ANO3: variants seen among roughly 807,000 people sequenced by gnomAD.
The protein encoded by ANO3 is anoctamin-3.
In ANO3, 99 loss-of-function variants were observed where a neutral mutation model predicts 144.8. That is an observed-to-expected ratio of 0.68 (90% CI 0.58 to 0.81). ANO3 has a LOEUF of 0.81. Among genes scored for constraint, ANO3 ranks in the 30% least tolerant of loss-of-function variants. ANO3 has a pLI of 0.00. For missense variants in ANO3, 905 were observed against 1,202.2 expected (o/e 0.75, Z 3.66); for synonymous variants, 414 against 392.6 (o/e 1.05, Z -0.64).
chr11:26,541,133 G>A (rs1045502740), intron 10 of ANO3, among the ~76,000 whole-genome samples: 7 of 151,976 alleles, frequency 4.6e-5, no homozygotes, highest in South Asian at 4.1e-4. Context: ...AGATGAGTTC[G>A]TGTTCTTTGC....
At chr11:26,399,711 A>G (rs936199850) in intron 1 of ANO3, among the ~76,000 whole-genome samples, 3 of 151,952 alleles carry the variant, frequency 2.0e-5, no homozygotes, top group African/African-American at 4.8e-5. Flanking sequence ...GGTTGAAGGT[A>G]TAAGTCCCTC....
intron 18 of ANO3, among the ~76,000 whole-genome samples, chr11:26,633,411 TAA>T (rs1852849232): frequency 6.6e-6 from 1 of 152,216 alleles, no homozygotes; most frequent in Non-Finnish European, 1.5e-5. Flanking sequence ...AAGGCTGAGA[TAA>T]GAGCTCAGCT....
intron 14 of ANO3, among the ~76,000 whole-genome samples, chr11:26,570,456 C>A (rs112342092): frequency 0.12 from 18,115 of 152,100 alleles, 1,447 homozygotes; most frequent in Non-Finnish European, 0.18. Flanking sequence ...TTATACCAAG[C>A]TTTGGAAATA....
At chr11:26,365,117 C>T (rs1260585823) in intron 1 of ANO3, among the ~76,000 whole-genome samples, 3 of 152,200 alleles carry the variant, frequency 2.0e-5, no homozygotes, top group Non-Finnish European at 4.4e-5. Flanking sequence ...GCAGGCCACA[C>T]ACAAGTTTGA....
rs567046267 is a variant in ANO3, at chr11:26,218,107, G to A, written c.154+28777G>A. On this transcript the variant is annotated intron_variant, in intron 1 of 27. Transcript: ENST00000672621. Reference sequence around the variant, plus strand: ...TTGTTTATTCATTTTCAGTAAGTGAGGTAGCATTCTTTTAGTGCACAATAT... The same window carrying A: ...TTGTTTATTCATTTTCAGTAAGTGAAGTAGCATTCTTTTAGTGCACAATAT... Among the ~76,000 whole-genome samples, 433 of 152,138 alleles carry A rather than the reference G, an allele frequency of 2.8e-3. 27 individuals carry two copies. In the South Asian group the frequency reaches 0.088, roughly 31 times the overall value.
At chr11:26,617,370 T>A (rs1004834771) in intron 17 of ANO3, among the ~76,000 whole-genome samples, 25 of 152,318 alleles carry the variant, frequency 1.6e-4, no homozygotes, top group African/African-American at 5.8e-4. Context: ...CACTTGCATT[T>A]TACAGAAAAC....
intron 4 of ANO3, among the ~76,000 whole-genome samples, chr11:26,470,789 CTT>C (rs1007061698): frequency 6.6e-6 from 1 of 151,908 alleles, no homozygotes; most frequent in Non-Finnish European, 1.5e-5. Context: ...GGACATAAAA[CTT>C]AAGTATTCAT....
At chr11:26,272,925 A>G (rs980489543) in intron 1 of ANO3, among the ~76,000 whole-genome samples, 1 of 152,204 alleles carries the variant, frequency 6.6e-6, no homozygotes, top group Non-Finnish European at 1.5e-5. Context: ...AAATCAGGGT[A>G]CATGCTCGAT....
At chr11:26,283,357 T>TACACACAC (rs1194770669) in intron 1 of ANO3, among the ~76,000 whole-genome samples, 12 of 113,768 alleles carry the variant, frequency 1.1e-4, no homozygotes, top group African/African-American at 3.9e-4. Context: ...TATATATATA[T>TACACACAC]ATATATATAG....
rs1590527018 is a variant in ANO3 at position 26,559,564 on chromosome 11, A to C, written c.1387-155A>C. ...GAGAAAAATCATGTGAAATTGTTGC[A>C]AGACCCATGAAAGGAATTCATATAT... On this transcript the variant is annotated intron_variant, in intron 13 of 26. Transcript: ENST00000256737. The C allele has an allele frequency of 1.0e-5, 6 of 594,566 alleles. No individual in the cohort carries two copies. The East Asian group carries it at 1.4e-4, about 14-fold the overall frequency. 36.8% of individuals were successfully genotyped at this position (594,566 alleles called of 1,614,324 possible).
intron 1 of ANO3, among the ~76,000 whole-genome samples, chr11:26,219,977 C>T (rs1171750632): frequency 6.6e-6 from 1 of 152,160 alleles, no homozygotes; most frequent in Admixed American, 6.5e-5. Flanking sequence ...CAAATAAGCA[C>T]ATAGCCTGGG....
At chr11:26,277,880 G>C (rs1041507097) in intron 1 of ANO3, among the ~76,000 whole-genome samples, 7 of 151,922 alleles carry the variant, frequency 4.6e-5, no homozygotes, top group Admixed American at 4.6e-4. Flanking sequence ...ACCCAGTAAA[G>C]ATATCTTTAT....
intron 14 of ANO3, 182 bp downstream of exon 14, chr11:26,559,961 A>T (rs1405759719): frequency 6.2e-6 from 3 of 482,202 alleles, no homozygotes; most frequent in Non-Finnish European, 1.1e-5. Context: ...TTAGGAATTT[A>T]ACTCTTGATC....
chr11:26,426,810 C>A (rs906891342), intron 1 of ANO3, among the ~76,000 whole-genome samples: 1 of 152,092 alleles, frequency 6.6e-6, no homozygotes, highest in Non-Finnish European at 1.5e-5. Context: ...GCTGCAGCAA[C>A]GGTTGTGAAG....
At chr11:26,455,237 G>A in intron 3 of ANO3, among the ~76,000 whole-genome samples, 1 of 150,226 alleles carries the variant, frequency 6.7e-6, no homozygotes, top group South Asian at 2.2e-4. Context: ...AATTAGGCAG[G>A]AGAAGGAAAT....
intron 1 of ANO3, among the ~76,000 whole-genome samples, chr11:26,366,043 G>A (rs1220704970): frequency 1.4e-5 from 2 of 146,426 alleles, no homozygotes; most frequent in African/African-American, 5.2e-5. Context: ...TGCACATAAC[G>A]TGCAGGTTTG....
intron 1 of ANO3, among the ~76,000 whole-genome samples, chr11:26,375,979 C>T (rs1856395230): frequency 6.6e-6 from 1 of 152,066 alleles, no homozygotes; most frequent in Admixed American, 6.6e-5. Flanking sequence ...GTGTGCATTC[C>T]AAAATATACA....
At chr11:26,580,873 A>C (rs1851110923) in intron 14 of ANO3, among the ~76,000 whole-genome samples, 1 of 152,200 alleles carries the variant, frequency 6.6e-6, no homozygotes, top group Non-Finnish European at 1.5e-5. Flanking sequence ...TTAGACTCAG[A>C]AAGGAAAGCA....
At chr11:26,309,245 G>A (rs555221667), upstream of ANO3, among the ~76,000 whole-genome samples, 8 of 152,246 alleles carry the variant, frequency 5.3e-5, no homozygotes, top group South Asian at 6.2e-4. Flanking sequence ...CAATAATTCC[G>A]GTGATTTAGC....
Sources: allele counts gnomAD v4.1 joint callset (sites outside exome capture counted in the v4.1 genomes callset), GRCh38; gene constraint gnomAD v4.1.1; transcripts MANE v1.5; gene names NCBI Gene and HGNC (gene_info 2026-07-23, HGNC 2026-07-21).